Variants in SPATA22 observed in about 807,000 individuals in gnomAD.
The protein encoded by SPATA22 is spermatogenesis associated 22, also known as spermatogenesis-associated protein 22.
In SPATA22, 29 loss-of-function variants were observed where a neutral mutation model predicts 47.8. That is an observed-to-expected ratio of 0.61 (90% CI 0.45 to 0.83). The LOEUF (loss-of-function observed/expected upper bound fraction) is 0.83, where lower values mean the gene tolerates loss of function less well. Ranked by LOEUF, SPATA22 falls within the 40% of genes least tolerant of loss-of-function variation. SPATA22 has a pLI of 0.00. For synonymous variants in SPATA22, 133 were observed against 140.9 expected (o/e 0.94, Z 0.40); for missense variants, 410 against 421.7 (o/e 0.97, Z 0.24).
At chr17:3,480,975 C>A (rs764536253) in intron 1 of SPATA22, among the ~76,000 whole-genome samples, 11 of 151,996 alleles carry the variant, frequency 7.2e-5, no homozygotes, top group Middle Eastern at 3.4e-3. Flanking sequence ...AGAAGATTAG[C>A]TGGGCATGGT....
At chr17:3,510,521 T>G (rs2074097987) in intron 1 of SPATA22, 1 of 152,150 alleles carries the variant, frequency 6.6e-6, no homozygotes, top group East Asian at 1.9e-4. Context: ...AAAACAAATA[T>G]TTATTAGAAA....
At chr17:3,479,303 AG>A (rs1272605590) in intron 1 of SPATA22, among the ~76,000 whole-genome samples, 1 of 152,226 alleles carries the variant, frequency 6.6e-6, no homozygotes. Flanking sequence ...GGTAGATACT[AG>A]CACCATTTAC....
At chr17:3,474,106 T>C (rs1239722710), upstream of SPATA22, 1 of 152,204 alleles carries the variant, frequency 6.6e-6, no homozygotes, top group African/African-American at 2.4e-5. Flanking sequence ...GCTCTACTTC[T>C]GAGGAAATGC....
At chr17:3,479,591 AC>A (rs2073592303) in intron 1 of SPATA22, among the ~76,000 whole-genome samples, 1 of 151,790 alleles carries the variant, frequency 6.6e-6, no homozygotes, top group African/African-American at 2.4e-5. Context: ...GGCCCCTTCC[AC>A]CTTCCCACTG....
chr17:3,496,889 AC>A (rs1210534411), intron 1 of SPATA22, among the ~76,000 whole-genome samples: 1 of 151,972 alleles, frequency 6.6e-6, no homozygotes, highest in Non-Finnish European at 1.5e-5. Flanking sequence ...ACACGGTGAA[AC>A]CCCATCTCTA....
At chr17:3,449,981 T>C (rs1187490531) in intron 5 of SPATA22, among the ~76,000 whole-genome samples, 1 of 152,024 alleles carries the variant, frequency 6.6e-6, no homozygotes. Context: ...GCCTCCTGAG[T>C]AGCTGGAACT....
chr17:3,481,394 T>A (rs946709593), intron 1 of SPATA22, among the ~76,000 whole-genome samples: 8 of 152,224 alleles, frequency 5.3e-5, no homozygotes, highest in Non-Finnish European at 8.8e-5. Context: ...TTCGCAAGCA[T>A]GCCAATGCAA....
At chr17:3,504,313 A>G (rs555336216) in intron 1 of SPATA22, among the ~76,000 whole-genome samples, 68 of 152,278 alleles carry the variant, frequency 4.5e-4, no homozygotes, top group African/African-American at 1.5e-3. Flanking sequence ...GGTGAGTTGA[A>G]TAAATGAGCA....
chr17:3,489,343 G>A lies in SPATA22; in HGVS notation c.-73-19945C>T. On this transcript the variant is annotated intron_variant, in intron 1 of 8. Coordinates refer to the SPATA22 transcript ENST00000541913. ...GATTTTATACATCATTTCAATGAAGGTAAGTAATAATGAAGGTAACGTTAT... is the reference window on the plus strand; with the variant it reads ...GATTTTATACATCATTTCAATGAAGATAAGTAATAATGAAGGTAACGTTAT... The A allele has an allele frequency of 6.3e-7, 1 of 1,589,630 alleles. No individual in the cohort carries two copies. The highest frequency in any genetic ancestry group is 2.2e-5 in the East Asian group (1 of 44,672).
At chr17:3,452,878 C>T (rs66825962) in intron 5 of SPATA22, among the ~76,000 whole-genome samples, 1 of 151,920 alleles carries the variant, frequency 6.6e-6, no homozygotes, top group Non-Finnish European at 1.5e-5. Context: ...AGGAGATTAA[C>T]GAAGTAATCA....
chr17:3,504,061 C>A lies in SPATA22; in HGVS notation c.-74+9351G>T, dbSNP rs549145133. On this transcript the variant is annotated intron_variant, in intron 1 of 8. Transcript: ENST00000541913. ...CACTGTTTATTCCTCTAGGCCTTTACATAGACTGACTCCCCTACCCAGAAC... is the reference window on the plus strand; with the variant it reads ...CACTGTTTATTCCTCTAGGCCTTTAAATAGACTGACTCCCCTACCCAGAAC... 1.4e-4 allele frequency among the ~76,000 whole-genome samples: 21 copies of A among 152,252 alleles called. 1 individual carries two copies. The South Asian group carries it at 4.4e-3, about 32-fold the overall frequency.
chr17:3,449,113 A>G lies in SPATA22; in HGVS notation c.366T>C (p.Thr122=), dbSNP rs2072797162. Residue 122 remains threonine, a synonymous_variant, in exon 6 of 9, where the codon ACT becomes ACC. Coordinates refer to ENST00000572969, the MANE Select transcript of SPATA22 (RefSeq NM_001170698.2). ...GAGGCTTAAAATCATTTTTATTCCA[A>G]GTTTTCAAGCTGGTATTTTTGTTAC... ...RDGNKNTSLK[T]WNKNDFKPQC... 1 of 1,609,354 alleles carries G rather than the reference A, an allele frequency of 6.2e-7. No individual in the cohort carries two copies. The highest frequency in any genetic ancestry group is 2.2e-5 in the East Asian group (1 of 44,760).
Position 3,490,682 on chromosome 17 carries a change from T to C in SPATA22, c.-73-21284A>G, listed in dbSNP as rs566902023. Reference sequence around the variant, plus strand: ...TCTAATGGAACTGGTTTTGAGAAGATCACAACATACTTACAATAAACCCTC... The same window carrying C: ...TCTAATGGAACTGGTTTTGAGAAGACCACAACATACTTACAATAAACCCTC... On this transcript the variant is annotated intron_variant, in intron 1 of 8. Coordinates refer to the SPATA22 transcript ENST00000541913. The surrounding 1 kb of genome is among the most constrained non-coding windows in gnomAD (Gnocchi z 4.6). Among the ~76,000 whole-genome samples, 5 of 152,198 alleles carry C rather than the reference T, an allele frequency of 3.3e-5. No homozygotes were observed. The highest frequency in any genetic ancestry group is 4.1e-4 in the South Asian group (2 of 4,834).
chr17:3,485,397 A>T lies in SPATA22; in HGVS notation c.-73-15999T>A, dbSNP rs1308019050. Among the ~76,000 whole-genome samples, 1 of 152,190 alleles carries T rather than the reference A, an allele frequency of 6.6e-6. No homozygotes were observed. Among genetic ancestry groups the T allele is most frequent in the East Asian group, 1.9e-4 (1 of 5,192 alleles). ...CCATGCAGGTTCTATAACTATAACC[A>T]TATATAAAATACTAGCCAACCAGGA... is the stretch of plus-strand genomic sequence containing the variant. On this transcript the variant is annotated intron_variant, in intron 1 of 8. Coordinates refer to the SPATA22 transcript ENST00000541913. This position sits in a 1 kb window ranked among gnomAD's most constrained non-coding sequence, Gnocchi z 4.4.
rs959111875 is a variant in SPATA22 at position 3,499,077 on chromosome 17, T to C, written c.-74+14335A>G. The stretch of plus-strand genomic sequence containing the variant: ...GCTCAATGCAAAAAGTATTCGCTGC[T>C]GTTTACATTAGAAATCACTTCCAGC... On this transcript the variant is annotated intron_variant, in intron 1 of 8. Coordinates refer to the SPATA22 transcript ENST00000541913. 163 of 1,613,856 alleles carry C rather than the reference T, an allele frequency of 1.0e-4. No individual in the cohort carries two copies. Among genetic ancestry groups the C allele is most frequent in the Non-Finnish European group, 1.4e-4 (160 of 1,179,930 alleles).
intron 3 of SPATA22, among the ~76,000 whole-genome samples, chr17:3,464,826 G>A (rs1433099226): frequency 2.2e-5 from 3 of 135,510 alleles, no homozygotes; most frequent in East Asian, 4.6e-4. Flanking sequence ...CCGCCCGGCA[G>A]CCACCCCGTC....
chr17:3,488,660 A>AAAAT lies in SPATA22; in HGVS notation c.-73-19266_-73-19263dup, dbSNP rs1434131473. On this transcript the variant is annotated intron_variant, in intron 1 of 8. Transcript: ENST00000541913. This position sits in a 1 kb window ranked among gnomAD's most constrained non-coding sequence, Gnocchi z 6.1. ...TGACAGAGTGAGACTCTGTCTCGAA[A>AAAAT]AAATAAATAAATAAATAAAACCATT... Among the ~76,000 whole-genome samples the AAAAT allele has an allele frequency of 3.3e-5, 5 of 152,186 alleles. No individual in the cohort carries two copies. The highest frequency in any genetic ancestry group is 1.3e-4 in the Admixed American group (2 of 15,274).
intron 5 of SPATA22, 35 bp downstream of exon 5, chr17:3,462,448 G>C: frequency 7.1e-7 from 1 of 1,404,064 alleles, no homozygotes; most frequent in South Asian, 1.3e-5. Flanking sequence ...AAATGAGAAG[G>C]AATAGAAGAA....
chr17:3,464,142 G>C (rs1378839138), intron 3 of SPATA22, among the ~76,000 whole-genome samples: 2 of 152,210 alleles, frequency 1.3e-5, no homozygotes, highest in African/African-American at 2.4e-5. Context: ...CGCCACGCCT[G>C]ACTGGTTTTC....
Sources: gnomAD v4.1 joint callset for allele counts (sites outside exome capture counted in the v4.1 genomes callset) on GRCh38, gnomAD v4.1.1 for gene constraint, Gnocchi (gnomAD v3.1) non-coding constraint, MANE v1.5 for transcripts, NCBI Gene and HGNC (gene_info 2026-07-23, HGNC 2026-07-21) for gene names.